The following KIAA1549L variants were observed in gnomAD, a reference collection of about 807,000 sequenced individuals.
KIAA1549L encodes UPF0606 protein KIAA1549L.
KIAA1549L carries 88 observed loss-of-function variants against 160.7 expected under a neutral mutation model. That is an observed-to-expected ratio of 0.55 (90% CI 0.46 to 0.65). The LOEUF is 0.65. Among genes scored for constraint, KIAA1549L ranks in the 30% least tolerant of loss-of-function variants. The pLI is 0.00. For synonymous variants in KIAA1549L, 950 were observed against 976.7 expected, an observed-to-expected ratio of 0.97 and a Z score of 0.51; for missense variants, 2,258 against 2,437.5, an observed-to-expected ratio of 0.93 and a Z score of 1.55.
In KIAA1549L at chr11:33,495,353, A is replaced by G. The variant is rs1328573326; in HGVS notation, c.239-46449A>G. 2.1e-5 allele frequency among the ~76,000 whole-genome samples: 3 copies of G among 139,836 alleles called. No homozygotes were observed. The Admixed American group carries it at 2.3e-4, about 11-fold the overall frequency. The allele number at this position is 139,836 out of a possible 152,430, so 91.7% of individuals were successfully genotyped here. A position where few individuals can be genotyped will look rare whatever the true frequency, so the allele number is the denominator to read the frequency against. On this transcript the variant is annotated intron_variant, in intron 1 of 20. Coordinates refer to ENST00000658780, the MANE Select transcript of KIAA1549L (RefSeq NM_012194.3). ...CATGCGTTCTCATTGTTCAATTCCC[A>G]CCTATGAGTGAGAATATGCGGTGTT...
intron 1 of KIAA1549L, among the ~76,000 whole-genome samples, chr11:33,441,496 A>AC (rs1021990689): frequency 1.9e-4 from 18 of 96,834 alleles, no homozygotes; most frequent in Non-Finnish European, 3.0e-4. Context: ...GAATCGCCAC[A>AC]CGACTTCCAC....
chr11:33,508,680 TA>T (rs1276091247), intron 1 of KIAA1549L, among the ~76,000 whole-genome samples: 1 of 152,208 alleles, frequency 6.6e-6, no homozygotes. Flanking sequence ...AGTCATTCAT[TA>T]ATCATGACAC....
At chr11:33,584,641 A>G (rs1450891737) in intron 11 of KIAA1549L, among the ~76,000 whole-genome samples, 1 of 152,266 alleles carries the variant, frequency 6.6e-6, no homozygotes, top group Non-Finnish European at 1.5e-5. Context: ...TGTTCATCAC[A>G]GCAGCCTTAT....
intron 1 of KIAA1549L, among the ~76,000 whole-genome samples, chr11:33,449,056 GT>G (rs1482822394): frequency 6.6e-6 from 1 of 152,178 alleles, no homozygotes; most frequent in East Asian, 1.9e-4. Context: ...TGGAACTCAA[GT>G]TTGATCTTAA....
Position 33,667,987 on chromosome 11 carries a change from C to CT in KIAA1549L, c.6274_6275insT (p.Gln2092LeufsTer21), listed in dbSNP as rs1564951588. ...AGCCAACCTGCACCCCAGCCTGGAG[C>CT]AGGCCCCGGCGCCCTCCACAGCGGC... On this transcript the variant is annotated frameshift_variant, in exon 21 of 21. Transcript: ENST00000658780. LOFTEE classifies it high-confidence loss of function. The CT allele has an allele frequency of 6.2e-7, 1 of 1,613,954 alleles. No individual in the cohort carries two copies. Among genetic ancestry groups the CT allele is most frequent in the Non-Finnish European group, 8.5e-7 (1 of 1,179,910 alleles).
chr11:33,598,798 C>T, intron 12 of KIAA1549L, 22 bp from the exon 13 acceptor site: 1 of 1,613,676 alleles, frequency 6.2e-7, no homozygotes, highest in East Asian at 2.2e-5. Flanking sequence ...ACCGTCTCCC[C>T]TGTTGCTATG....
intron 1 of KIAA1549L, among the ~76,000 whole-genome samples, chr11:33,378,592 C>T (rs772764989): frequency 6.6e-6 from 1 of 152,184 alleles, no homozygotes; most frequent in African/African-American, 2.4e-5. Context: ...TGATGTTCCT[C>T]CCCAGAGTCC....
intron 1 of KIAA1549L, among the ~76,000 whole-genome samples, chr11:33,415,498 T>G (rs543284607): frequency 7.9e-5 from 12 of 152,094 alleles, no homozygotes; most frequent in African/African-American, 2.7e-4. Flanking sequence ...AGGCCTGAAG[T>G]TGAAAGTGGG....
intron 1 of KIAA1549L, among the ~76,000 whole-genome samples, chr11:33,506,507 C>A (rs1455474385): frequency 6.6e-6 from 1 of 152,122 alleles, no homozygotes; most frequent in African/African-American, 2.4e-5. Context: ...AGGAGGATTT[C>A]TTGAGTCCAG....
At position 33,614,561 on chromosome 11, in the gene KIAA1549L, TATATATATATATATATATATATA is replaced by T. The variant is rs1386970932; in HGVS notation, c.5280-3971_5280-3949del. On this transcript the variant is annotated intron_variant, in intron 15 of 20. Coordinates refer to ENST00000658780, the MANE Select transcript of KIAA1549L (RefSeq NM_012194.3). The stretch of plus-strand genomic sequence containing the variant: ...ATATATATATATATATATATATATA[TATATATATATATATATATATATA>T]TTTTTTTTTTTTTTTTTTTTTTTTT... Among the ~76,000 whole-genome samples the T allele has an allele frequency of 2.9e-3, 48 of 16,650 alleles. 2 individuals are homozygous for T. Among genetic ancestry groups the T allele is most frequent in the African/African-American group, 0.016 (34 of 2,160 alleles). The allele number at this position is 16,650 out of a possible 152,430, so 10.9% of individuals were successfully genotyped here.
intron 10 of KIAA1549L, among the ~76,000 whole-genome samples, chr11:33,578,311 A>G (rs1590362075): frequency 6.6e-6 from 1 of 152,058 alleles, no homozygotes; most frequent in East Asian, 1.9e-4. Flanking sequence ...GTCGAGATTC[A>G]AACTCTGTTT....
intron 1 of KIAA1549L, among the ~76,000 whole-genome samples, chr11:33,459,714 C>T (rs895786550): frequency 1.3e-5 from 2 of 151,834 alleles, no homozygotes; most frequent in Non-Finnish European, 2.9e-5. Flanking sequence ...GTAATCCCAG[C>T]ACTTTGGGAG....
chr11:33,489,296 G>A (rs1852601878), intron 1 of KIAA1549L, among the ~76,000 whole-genome samples: 1 of 152,134 alleles, frequency 6.6e-6, no homozygotes, highest in Non-Finnish European at 1.5e-5. Flanking sequence ...GTGCTTACAA[G>A]GCATGTGTGC....
chr11:33,384,996 C>T (rs1439731728), intron 1 of KIAA1549L, among the ~76,000 whole-genome samples: 1 of 150,300 alleles, frequency 6.7e-6, no homozygotes, highest in Non-Finnish European at 1.5e-5. Flanking sequence ...ACTCTATCAA[C>T]TTTTCAATTT....
intron 1 of KIAA1549L, among the ~76,000 whole-genome samples, chr11:33,441,429 T>C (rs920687573): frequency 1.3e-4 from 20 of 151,938 alleles, no homozygotes; most frequent in African/African-American, 4.4e-4. Context: ...CCTTTGGATA[T>C]ATACCCAGTA....
intron 16 of KIAA1549L, among the ~76,000 whole-genome samples, chr11:33,626,085 T>C (rs2133365097): frequency 6.6e-6 from 1 of 150,944 alleles, no homozygotes; most frequent in Middle Eastern, 3.4e-3. Context: ...TGCGGCATGA[T>C]TTCTGAGGGC....
intron 1 of KIAA1549L, among the ~76,000 whole-genome samples, chr11:33,518,123 A>T (rs535521573): frequency 7.5e-6 from 1 of 132,996 alleles, no homozygotes; most frequent in South Asian, 2.7e-4. Flanking sequence ...TGAGCAACAG[A>T]GCAAGACTCT....
intron 1 of KIAA1549L, among the ~76,000 whole-genome samples, chr11:33,459,956 G>A (rs535785972): frequency 7.0e-4 from 20 of 28,710 alleles, no homozygotes; most frequent in African/African-American, 3.7e-3. Flanking sequence ...GCGAGACTCC[G>A]TCTCAAAAAA....
Position 33,669,801 on chromosome 11 carries a change from G to A in KIAA1549L, c.*1647G>A, listed in dbSNP as rs533374672. On this transcript the variant is annotated 3_prime_UTR_variant, in exon 21 of 21. Transcript: ENST00000658780. ...CCTTTCTGGAATGTTCAGAGATGAT[G>A]TGTCATGGAACCTTCAAACAAGTCT... The A allele has an allele frequency of 2.0e-5, 3 of 152,344 alleles. No individual in the cohort carries two copies. The highest frequency in any genetic ancestry group is 1.9e-4 in the East Asian group (1 of 5,184). 9.4% of individuals were successfully genotyped at this position (152,344 alleles called of 1,614,324 possible). A position where few individuals can be genotyped will look rare whatever the true frequency, so the allele number is the denominator to read the frequency against.
Sources: allele counts gnomAD v4.1 joint callset (sites outside exome capture counted in the v4.1 genomes callset), GRCh38; gene constraint gnomAD v4.1.1; transcripts MANE v1.5; gene names NCBI Gene and HGNC (gene_info 2026-07-23, HGNC 2026-07-21).